RERE: variants seen among roughly 807,000 people sequenced by gnomAD.
The protein encoded by RERE is arginine-glutamic acid dipeptide repeats protein.
In RERE, 40 loss-of-function variants were observed where a neutral mutation model predicts 146.1. That is an observed-to-expected ratio of 0.27 (90% CI 0.21 to 0.36). The LOEUF (loss-of-function observed/expected upper bound fraction) is 0.36. Among genes scored for constraint, RERE ranks in the 10% least tolerant of loss-of-function variants. The pLI is 1.00. For synonymous variants in RERE, 1,003 were observed against 866.0 expected (o/e 1.16, Z -2.78); for missense variants, 1,933 against 2,138.7 (o/e 0.90, Z 1.90).
intron 4 of RERE, among the ~76,000 whole-genome samples, chr1:8,612,690 C>T (rs1557434830): frequency 6.6e-6 from 1 of 152,140 alleles, no homozygotes; most frequent in Non-Finnish European, 1.5e-5. Flanking sequence ...ATAGCATCCA[C>T]ATTGATTAAG....
chr1:8,795,642 C>T (rs1030571043), intron 1 of RERE, among the ~76,000 whole-genome samples: 5 of 152,058 alleles, frequency 3.3e-5, no homozygotes, highest in African/African-American at 1.2e-4. Flanking sequence ...TTTTCTTATG[C>T]ACAGAGGCTA....
chr1:8,495,213 G>T, intron 9 of RERE, 51 bp from the exon 10 acceptor site: 2 of 1,353,778 alleles, frequency 1.5e-6, no homozygotes, highest in Non-Finnish European at 1.1e-6. Context: ...TATCAGGACA[G>T]AGACTTAGAC....
chr1:8,646,538 CA>C (rs1014115369), intron 2 of RERE, among the ~76,000 whole-genome samples: 2 of 138,590 alleles, frequency 1.4e-5, no homozygotes, highest in Non-Finnish European at 1.6e-5. Context: ...CCCCGCCACT[CA>C]AAAAAAAACA....
At chr1:8,766,875 T>C (rs1244531188) in intron 1 of RERE, among the ~76,000 whole-genome samples, 1 of 152,202 alleles carries the variant, frequency 6.6e-6, no homozygotes, top group African/African-American at 2.4e-5. Flanking sequence ...GTTGGAAGCT[T>C]TCTTGGGCAT....
At chr1:8,482,379 A>G (rs1350948727) in intron 10 of RERE, among the ~76,000 whole-genome samples, 1 of 152,160 alleles carries the variant, frequency 6.6e-6, no homozygotes, top group Non-Finnish European at 1.5e-5. Context: ...AAGCCATTTC[A>G]TTCAAACAAG....
At chr1:8,777,176 T>C (rs1274019880) in intron 1 of RERE, among the ~76,000 whole-genome samples, 1 of 152,244 alleles carries the variant, frequency 6.6e-6, no homozygotes, top group Admixed American at 6.5e-5. Context: ...ATATTTTATC[T>C]GCTAACATTT....
chr1:8,522,347 C>T (rs945425302), intron 7 of RERE, among the ~76,000 whole-genome samples: 5 of 152,090 alleles, frequency 3.3e-5, no homozygotes, highest in African/African-American at 9.7e-5. Flanking sequence ...GAAGACAACT[C>T]GGTTGAGTAA....
chr1:8,789,978 C>G (rs569961486), intron 1 of RERE, among the ~76,000 whole-genome samples: 1 of 152,304 alleles, frequency 6.6e-6, no homozygotes, highest in South Asian at 2.1e-4. Context: ...CTAGAAATCT[C>G]TAAATGTTGT....
At chr1:8,708,158 G>A (rs938588922) in intron 1 of RERE, among the ~76,000 whole-genome samples, 2 of 152,058 alleles carry the variant, frequency 1.3e-5, no homozygotes, top group South Asian at 2.1e-4. Flanking sequence ...CTCTTTGTCC[G>A]CATCCAAATC....
chr1:8,715,507 G>A (rs138517444), intron 1 of RERE, among the ~76,000 whole-genome samples: 16 of 151,812 alleles, frequency 1.1e-4, no homozygotes, highest in African/African-American at 3.1e-4. Flanking sequence ...GCGAAACTCC[G>A]TCTTAATAAT....
chr1:8,466,089 G>A (rs1030051991), intron 10 of RERE, 66 bp from the exon 11 acceptor site: 4 of 1,304,506 alleles, frequency 3.1e-6, no homozygotes, highest in Admixed American at 2.1e-5. Context: ...ATCGATCCAA[G>A]GCAAGCTCCT....
chr1:8,481,242 G>A (rs1417832572), intron 10 of RERE, among the ~76,000 whole-genome samples: 2 of 152,062 alleles, frequency 1.3e-5, no homozygotes, highest in South Asian at 2.1e-4. Context: ...TCAGCCTCCC[G>A]AGTAGCTGAG....
Position 8,364,678 on chromosome 1 carries a change from T to G in RERE, c.1540+68A>C. The stretch of plus-strand genomic sequence containing the variant: ...CCTGGCAGGTTTCCAGCTGGATGCA[T>G]GAAATGTTCAGAACATGGAAGTGCT... On this transcript the variant is annotated intron_variant, in intron 14 of 22. Transcript: ENST00000400908. The surrounding 1 kb of genome is among the most constrained non-coding windows in gnomAD (Gnocchi z 5.1). 1 of 1,148,834 alleles carries G rather than the reference T, an allele frequency of 8.7e-7. No homozygotes were observed. The highest frequency in any genetic ancestry group is 1.3e-6 in the Non-Finnish European group (1 of 759,518). The allele number at this position is 1,148,834 out of a possible 1,614,324, so 71.2% of individuals were successfully genotyped here.
At chr1:8,366,629 G>A (rs1379353611) in intron 12 of RERE, among the ~76,000 whole-genome samples, 2 of 152,102 alleles carry the variant, frequency 1.3e-5, no homozygotes, top group Non-Finnish European at 2.9e-5. Context: ...CAGAGGCAAG[G>A]ACTGGGCTTG....
Position 8,590,015 on chromosome 1 carries a change from G to A in RERE, c.522+24546C>T, listed in dbSNP as rs1194491938. Among the ~76,000 whole-genome samples the A allele has an allele frequency of 2.0e-5, 3 of 152,074 alleles. No individual in the cohort carries two copies. The East Asian group carries it at 5.8e-4, about 29-fold the overall frequency. On this transcript the variant is annotated intron_variant, in intron 4 of 22. Coordinates refer to ENST00000400908, the MANE Select transcript of RERE (RefSeq NM_001042681.2). ...TAATAAATGCTTTTTTTGCCCTGCT[G>A]TTTAGTGCTTCTTTCTTTGGAATCC...
intron 1 of RERE, among the ~76,000 whole-genome samples, chr1:8,774,345 C>CTCTTT (rs1164178372): frequency 2.9e-5 from 3 of 103,512 alleles, no homozygotes; most frequent in East Asian, 2.3e-4. Flanking sequence ...TTTTGGCAAA[C>CTCTTT]TATTTTTTTT....
intron 1 of RERE, among the ~76,000 whole-genome samples, chr1:8,756,475 G>T (rs1640640853): frequency 6.6e-6 from 1 of 152,070 alleles, no homozygotes; most frequent in African/African-American, 2.4e-5. Context: ...CTGAAGGGAG[G>T]AGAGCATGCC....
chr1:8,512,277 C>G (rs1268664339), intron 7 of RERE, among the ~76,000 whole-genome samples: 1 of 151,524 alleles, frequency 6.6e-6, no homozygotes, highest in Admixed American at 6.6e-5. Context: ...TCATGATCCA[C>G]CCGCCTCGGC....
intron 1 of RERE, among the ~76,000 whole-genome samples, chr1:8,741,658 T>C (rs761643484): frequency 1.2e-4 from 19 of 152,214 alleles, no homozygotes; most frequent in Admixed American, 5.2e-4. Context: ...TCCACCATGA[T>C]TGTAAGTTTC....
Sources: allele counts gnomAD v4.1 joint callset (sites outside exome capture counted in the v4.1 genomes callset), GRCh38; gene constraint gnomAD v4.1.1; non-coding constraint Gnocchi (gnomAD v3.1); transcripts MANE v1.5; gene names NCBI Gene and HGNC (gene_info 2026-07-23, HGNC 2026-07-21).